PCDHGB3: variants seen among roughly 807,000 people sequenced by gnomAD.
PCDHGB3 encodes the protein protocadherin gamma-B3.
PCDHGB3 carries 40 observed loss-of-function variants against 59.2 expected under a neutral mutation model. That is an observed-to-expected ratio of 0.68 (90% CI 0.52 to 0.88). PCDHGB3 has a LOEUF of 0.88. Ranked by LOEUF, PCDHGB3 falls within the 40% of genes least tolerant of loss-of-function variation. The pLI, the probability that PCDHGB3 is intolerant of heterozygous loss-of-function variation, is 0.00. For missense variants in PCDHGB3, 1,309 were observed against 1,187.9 expected (o/e 1.10, Z -1.50); for synonymous variants, 581 against 503.6 (o/e 1.15, Z -2.06).
chr5:141,427,467 T>TC, intron 1 of PCDHGB3: 1 of 508,052 alleles, frequency 2.0e-6, no homozygotes. Flanking sequence ...AATCGAATCT[T>TC]CCGCCAATAA....
At chr5:141,404,097 T>C in intron 1 of PCDHGB3, 1 of 1,613,584 alleles carries the variant, frequency 6.2e-7, no homozygotes, top group Non-Finnish European at 8.5e-7. Flanking sequence ...AATGGTCAAG[T>C]TGTCTGTTCT....
At chr5:141,479,366 T>A (rs2099494042) in intron 1 of PCDHGB3, 1 of 152,302 alleles carries the variant, frequency 6.6e-6, no homozygotes, top group Non-Finnish European at 1.5e-5. Flanking sequence ...GTGCCTGAGG[T>A]GGGAGGATTG....
At chr5:141,384,244 C>T in intron 1 of PCDHGB3, 1 of 1,613,828 alleles carries the variant, frequency 6.2e-7, no homozygotes, top group Middle Eastern at 1.6e-4. Flanking sequence ...CAACGATAAC[C>T]CACCCACCTT....
At chr5:141,446,263 C>T (rs2098496356) in intron 1 of PCDHGB3, among the ~76,000 whole-genome samples, 1 of 152,010 alleles carries the variant, frequency 6.6e-6, no homozygotes, top group East Asian at 1.9e-4. Flanking sequence ...ATATTATTAA[C>T]TGAATAAATA....
intron 1 of PCDHGB3, chr5:141,393,662 A>G (rs1442061423): frequency 6.2e-7 from 1 of 1,613,816 alleles, no homozygotes; most frequent in African/African-American, 1.3e-5. Context: ...AATTCCGGAA[A>G]ATTAATGAAA....
chr5:141,391,493 G>A (rs949161885), intron 1 of PCDHGB3: 1 of 151,954 alleles, frequency 6.6e-6, no homozygotes, highest in Non-Finnish European at 1.5e-5. Context: ...TCTGTTTTCA[G>A]TAGAGAAAAT....
intron 1 of PCDHGB3, among the ~76,000 whole-genome samples, chr5:141,482,530 CAAAA>C (rs3074545): frequency 9.1e-5 from 7 of 76,540 alleles, no homozygotes; most frequent in South Asian, 4.6e-4. Flanking sequence ...GACAGACATG[CAAAA>C]AAAAAAAAAA....
chr5:141,431,560 C>T lies in PCDHGB3; in HGVS notation c.2415+58751C>T, dbSNP rs751276470. On this transcript the variant is annotated intron_variant, in intron 1 of 3. Coordinates refer to ENST00000576222, the MANE Select transcript of PCDHGB3 (RefSeq NM_018924.5). This position sits in a 1 kb window ranked among gnomAD's most constrained non-coding sequence, Gnocchi z 4.8. ...CGCAGCTGCTTGTAGTCAACGCTAC[C>T]GACCCTGACGAAGGAGTCAATGCGG... The T allele has an allele frequency of 6.2e-7, 1 of 1,614,104 alleles. No individual in the cohort carries two copies. The highest frequency in any genetic ancestry group is 1.7e-5 in the Admixed American group (1 of 60,036).
intron 1 of PCDHGB3, chr5:141,414,139 G>T: frequency 6.3e-7 from 1 of 1,596,506 alleles, no homozygotes; most frequent in Non-Finnish European, 8.5e-7. Flanking sequence ...CTATGAAATA[G>T]AAATACAAGC....
At position 141,370,974 on chromosome 5, in the gene PCDHGB3, C is replaced by G; in HGVS notation, c.580C>G (p.Leu194Val). The G allele has an allele frequency of 1.9e-6, 3 of 1,613,996 alleles. No individual in the cohort carries two copies. The highest frequency in any genetic ancestry group is 2.5e-6 in the Non-Finnish European group (3 of 1,179,890). Residue 194 changes from leucine to valine, a missense_variant, in exon 1 of 4, where the codon CTA (leucine) becomes GTA (valine). By Grantham distance (32) the Leu-to-Val change is conservative (BLOSUM62 1). Coordinates refer to ENST00000576222, the MANE Select transcript of PCDHGB3 (RefSeq NM_018924.5). ...CCTGGATGGCAGTAGGTACCCAGAG[C>G]TAGTACTGAAAGCACCCCTGGACAG... ...ENLDGSRYPELVLKAPLDREE... is the reference protein window; with the variant it reads ...ENLDGSRYPEVVLKAPLDREE...
At chr5:141,423,277 A>G (rs749771302) in intron 1 of PCDHGB3, 4 of 1,613,988 alleles carry the variant, frequency 2.5e-6, no homozygotes, top group Non-Finnish European at 8.5e-7. Flanking sequence ...GTCTCTGGCT[A>G]ACTCTGAAAC....
At chr5:141,422,887 C>T in intron 1 of PCDHGB3, 1 of 1,614,264 alleles carries the variant, frequency 6.2e-7, no homozygotes, top group Non-Finnish European at 8.5e-7. Context: ...CCTGTTCGTG[C>T]TGGACCAGAA....
At chr5:141,454,685 C>A (rs1305853379) in intron 1 of PCDHGB3, among the ~76,000 whole-genome samples, 1 of 151,844 alleles carries the variant, frequency 6.6e-6, no homozygotes, top group Non-Finnish European at 1.5e-5. Context: ...GGATTACAGG[C>A]ATGAGCCACC....
chr5:141,481,182 G>T (rs2099533183), intron 1 of PCDHGB3, among the ~76,000 whole-genome samples: 1 of 152,180 alleles, frequency 6.6e-6, no homozygotes, highest in Non-Finnish European at 1.5e-5. Flanking sequence ...AGCTTTATTG[G>T]GCCAGGCCCA....
At chr5:141,454,426 GAC>G (rs746508144) in intron 1 of PCDHGB3, among the ~76,000 whole-genome samples, 3 of 152,168 alleles carry the variant, frequency 2.0e-5, no homozygotes, top group Non-Finnish European at 2.9e-5. Context: ...TTTATTTAGA[GAC>G]AGAGTTTCAC....
chr5:141,402,229 A>G (rs1263337414), intron 1 of PCDHGB3, among the ~76,000 whole-genome samples: 4 of 152,110 alleles, frequency 2.6e-5, no homozygotes, highest in Non-Finnish European at 5.9e-5. Context: ...ACGTTTTTCC[A>G]GGAATTTTAT....
intron 3 of PCDHGB3, among the ~76,000 whole-genome samples, chr5:141,507,803 G>GAC (rs2099863701): frequency 6.6e-6 from 1 of 152,228 alleles, no homozygotes; most frequent in Admixed American, 6.5e-5. Flanking sequence ...CCTGCGCCCT[G>GAC]GGGAACGGAC....
chr5:141,439,368 A>C (rs1346879772), intron 1 of PCDHGB3, among the ~76,000 whole-genome samples: 1 of 152,192 alleles, frequency 6.6e-6, no homozygotes, highest in East Asian at 1.9e-4. Flanking sequence ...CATCAAGAAG[A>C]AATAAAAATA....
rs1417305082 is a variant in PCDHGB3, at chr5:141,370,966, A to T, written c.572A>T (p.Tyr191Phe). The change falls in exon 1 of 4, where the codon TAC (tyrosine) becomes TTC (phenylalanine). Residue 191 changes from tyrosine to phenylalanine, a missense_variant. Coordinates refer to ENST00000576222, the MANE Select transcript of PCDHGB3 (RefSeq NM_018924.5). ...AAGGAGAACCTGGATGGCAGTAGGT[A>T]CCCAGAGCTAGTACTGAAAGCACCC... is the stretch of plus-strand genomic sequence containing the variant. ...IQKENLDGSR[Y>F]PELVLKAPLD... The T allele has an allele frequency of 6.2e-7, 1 of 1,614,000 alleles. No individual in the cohort carries two copies. Among genetic ancestry groups the T allele is most frequent in the Middle Eastern group, 1.6e-4 (1 of 6,062 alleles).
Sources: gnomAD v4.1 joint callset for allele counts (sites outside exome capture counted in the v4.1 genomes callset) on GRCh38, gnomAD v4.1.1 for gene constraint, Gnocchi (gnomAD v3.1) non-coding constraint, MANE v1.5 for transcripts, NCBI Gene and HGNC (gene_info 2026-07-23, HGNC 2026-07-21) for gene names.